The following RBFOX1 variants were observed in gnomAD, a reference collection of about 807,000 sequenced individuals.
RBFOX1 encodes RNA binding protein fox-1 homolog 1.
A neutral mutation model predicts 57.7 loss-of-function variants in RBFOX1; 8 were observed. The ratio of observed to expected loss-of-function variants is 0.14; its 90% confidence interval spans 0.08 to 0.25. The LOEUF is 0.25. RBFOX1 is among the 10% of genes least tolerant of loss of function. The probability of loss-of-function intolerance (pLI) is 1.00; values close to 1 mark genes in which losing one functional copy is unlikely to be tolerated. For missense variants in RBFOX1, 611 were observed against 548.5 expected (o/e 1.11, Z -1.14); for synonymous variants, 326 against 222.4 (o/e 1.47, Z -4.15).
intron 1 of RBFOX1, among the ~76,000 whole-genome samples, chr16:6,283,485 C>G (rs1012922938): frequency 6.6e-6 from 1 of 152,126 alleles, no homozygotes; most frequent in African/African-American, 2.4e-5. Context: ...AATCAGAGGC[C>G]TGTTTTCTTG....
intron 3 of RBFOX1, among the ~76,000 whole-genome samples, chr16:6,894,339 G>A (rs570411817): frequency 1.3e-5 from 2 of 152,220 alleles, no homozygotes; most frequent in Admixed American, 6.5e-5. Context: ...TCTGTGTTCT[G>A]TGTGACTTTG....
At chr16:6,711,337 A>C (rs984456442) in intron 3 of RBFOX1, among the ~76,000 whole-genome samples, 1 of 152,126 alleles carries the variant, frequency 6.6e-6, no homozygotes, top group South Asian at 2.1e-4. Flanking sequence ...ATTTTTCACA[A>C]GGTCCCCACA....
At chr16:6,875,107 T>C (rs2061599287) in intron 3 of RBFOX1, among the ~76,000 whole-genome samples, 1 of 152,176 alleles carries the variant, frequency 6.6e-6, no homozygotes, top group East Asian at 1.9e-4. Flanking sequence ...ATCTTATCAA[T>C]TGACTGTGTT....
intron 3 of RBFOX1, among the ~76,000 whole-genome samples, chr16:6,727,285 C>T (rs769719087): frequency 9.2e-5 from 14 of 151,832 alleles, no homozygotes; most frequent in South Asian, 4.1e-4. Context: ...AAATTAATTG[C>T]GTTTTTTGCC....
At chr16:6,541,354 T>C (rs1238598164) in intron 2 of RBFOX1, among the ~76,000 whole-genome samples, 2 of 152,178 alleles carry the variant, frequency 1.3e-5, no homozygotes, top group African/African-American at 4.8e-5. Context: ...TATGGAGCAC[T>C]TACCCAATGC....
At chr16:6,204,073 T>C (rs1477499494) in intron 1 of RBFOX1, among the ~76,000 whole-genome samples, 1 of 152,118 alleles carries the variant, frequency 6.6e-6, no homozygotes, top group African/African-American at 2.4e-5. Context: ...TTTGTTTCTT[T>C]TCATCTCTAA....
At chr16:7,103,274 G>C (rs1199023291) in intron 4 of RBFOX1, among the ~76,000 whole-genome samples, 5 of 152,062 alleles carry the variant, frequency 3.3e-5, no homozygotes, top group African/African-American at 1.2e-4. Context: ...TAACTGTTTT[G>C]AGTTTATGAC....
intron 4 of RBFOX1, among the ~76,000 whole-genome samples, chr16:7,244,400 C>T (rs1449054966): frequency 4.6e-5 from 7 of 152,120 alleles, no homozygotes; most frequent in African/African-American, 1.4e-4. Flanking sequence ...GTCCTTTTTC[C>T]TGAGCCAGCC....
intron 2 of RBFOX1, among the ~76,000 whole-genome samples, chr16:6,615,085 G>T (rs769368681): frequency 6.6e-6 from 1 of 152,136 alleles, no homozygotes; most frequent in Non-Finnish European, 1.5e-5. Context: ...GGATGGTATC[G>T]TGAAAACAGT....
intron 5 of RBFOX1, among the ~76,000 whole-genome samples, chr16:7,564,540 CAA>C (rs5815409): frequency 4.8e-5 from 4 of 82,518 alleles, no homozygotes; most frequent in African/African-American, 1.9e-4. Flanking sequence ...GACTCCATCT[CAA>C]AAAAAAAAAA....
intron 12 of RBFOX1, among the ~76,000 whole-genome samples, chr16:7,663,080 T>C (rs1230525804): frequency 6.6e-6 from 1 of 152,250 alleles, no homozygotes; most frequent in Non-Finnish European, 1.5e-5. Flanking sequence ...GGAGCGGTTT[T>C]GATATGGCTA....
At chr16:6,515,964 A>T (rs947662494) in intron 2 of RBFOX1, among the ~76,000 whole-genome samples, 22 of 152,164 alleles carry the variant, frequency 1.4e-4, no homozygotes, top group Non-Finnish European at 5.9e-5. Context: ...TGGTACTGAA[A>T]TACCTGAACC....
At chr16:5,906,146 T>A (rs1355574326) in intron 4 of RBFOX1, among the ~76,000 whole-genome samples, 1 of 152,118 alleles carries the variant, frequency 6.6e-6, no homozygotes, top group East Asian at 1.9e-4. Flanking sequence ...AGGGATTGAG[T>A]CATGCCTCCC....
chr16:6,197,531 AT>A (rs1162460728), intron 1 of RBFOX1, among the ~76,000 whole-genome samples: 2 of 149,468 alleles, frequency 1.3e-5, no homozygotes, highest in African/African-American at 4.9e-5. Flanking sequence ...CTTCTCTATA[AT>A]TTCTTGAACT....
intron 3 of RBFOX1, among the ~76,000 whole-genome samples, chr16:6,736,994 C>G (rs974950467): frequency 2.0e-5 from 3 of 152,160 alleles, no homozygotes; most frequent in Non-Finnish European, 4.4e-5. Flanking sequence ...CCACTTATCC[C>G]TGACACGGGA....
rs71147700 is a variant in RBFOX1, at chr16:7,448,927, G to GTTTTTTTTTTTTTTTT, written c.28-69216_28-69201dup. Among the ~76,000 whole-genome samples, 29 of 82,978 alleles carry GTTTTTTTTTTTTTTTT rather than the reference G, an allele frequency of 3.5e-4. 3 individuals carry two copies. Among genetic ancestry groups the GTTTTTTTTTTTTTTTT allele is most frequent in the South Asian group, 1.4e-3 (3 of 2,182 alleles). 54.4% of individuals were successfully genotyped at this position (82,978 alleles called of 152,430 possible). A position where few individuals can be genotyped will look rare whatever the true frequency, so the allele number is the denominator to read the frequency against. The stretch of plus-strand genomic sequence containing the variant: ...CTTGGTAGACATTTTTCTTTCCCCT[G>GTTTTTTTTTTTTTTTT]TTTTTTTTTTTTTTTTTTTGAGATG... On this transcript the variant is annotated intron_variant, in intron 4 of 15. Transcript: ENST00000550418.
chr16:6,868,449 T>C (rs941395375), intron 3 of RBFOX1, among the ~76,000 whole-genome samples: 5 of 151,854 alleles, frequency 3.3e-5, no homozygotes, highest in African/African-American at 1.2e-4. Context: ...GAAAGTCACA[T>C]TCAAGCCAGT....
intron 4 of RBFOX1, among the ~76,000 whole-genome samples, chr16:7,062,330 A>G (rs2054598180): frequency 6.6e-6 from 1 of 150,464 alleles, no homozygotes; most frequent in Non-Finnish European, 1.5e-5. Flanking sequence ...AAAAAAAAAA[A>G]AAAAAAAAGA....
chr16:5,996,039 CTTTTA>C (rs2060484731), intron 4 of RBFOX1, among the ~76,000 whole-genome samples: 1 of 152,188 alleles, frequency 6.6e-6, no homozygotes, highest in African/African-American at 2.4e-5. Context: ...TCTGGGACCT[CTTTTA>C]TAAGAGTACT....
Sources: allele counts gnomAD v4.1 joint callset (sites outside exome capture counted in the v4.1 genomes callset), GRCh38; gene constraint gnomAD v4.1.1; transcripts MANE v1.5; gene names NCBI Gene and HGNC (gene_info 2026-07-23, HGNC 2026-07-21).